ZNF827: variants seen among roughly 807,000 people sequenced by gnomAD.
ZNF827 encodes the protein zinc finger protein 827.
Under a neutral mutation model 102.4 loss-of-function variants are expected in ZNF827, and 13 were observed. The observed-to-expected ratio is 0.13, with a 90% confidence interval of 0.08 to 0.20. The LOEUF (loss-of-function observed/expected upper bound fraction) is 0.20. Ranked by LOEUF, ZNF827 falls within the 10% of genes least tolerant of loss-of-function variation. The probability of loss-of-function intolerance (pLI) is 1.00; values close to 1 mark genes in which losing one functional copy is unlikely to be tolerated. For synonymous variants in ZNF827, 523 were observed against 536.2 expected, an observed-to-expected ratio of 0.98 and a Z score of 0.34; for missense variants, 1,103 against 1,344.4, an observed-to-expected ratio of 0.82 and a Z score of 2.81.
intron 1 of ZNF827, among the ~76,000 whole-genome samples, chr4:145,916,372 C>T (rs1015344216): frequency 2.0e-5 from 3 of 152,146 alleles, no homozygotes; most frequent in Admixed American, 6.5e-5. Flanking sequence ...CTGGGGTGAA[C>T]TGGGGGCATG....
rs538045630 is a variant in ZNF827 at position 145,846,989 on chromosome 4, A to G, written c.2222-976T>C. 6.7e-5 allele frequency among the ~76,000 whole-genome samples: 10 copies of G among 148,762 alleles called. No individual in the cohort carries two copies. The South Asian group carries it at 2.1e-3, about 32-fold the overall frequency. ...GCCAACATGGTGAAAACCCGTCTCT[A>G]CTAAAAATACAAAAATTAGCAGGGC... is the stretch of plus-strand genomic sequence containing the variant. On this transcript the variant is annotated intron_variant, in intron 6 of 14. Transcript: ENST00000508784.
In ZNF827 at chr4:145,873,451, A is replaced by C. The variant is rs78843700; in HGVS notation, c.1748-2973T>G. 2.1e-3 allele frequency among the ~76,000 whole-genome samples: 317 copies of C among 152,342 alleles called. 1 individual carries two copies. The highest frequency in any genetic ancestry group is 4.3e-3 in the African/African-American group (177 of 41,580). On this transcript the variant is annotated intron_variant, in intron 4 of 14. Transcript: ENST00000508784. ...AGAAGTGCTTTCCCTGGATTTAATAATTAGATGGGAGATAAGATCTTTGAA... is the reference window on the plus strand; with the variant it reads ...AGAAGTGCTTTCCCTGGATTTAATACTTAGATGGGAGATAAGATCTTTGAA...
intron 3 of ZNF827, among the ~76,000 whole-genome samples, chr4:145,887,294 A>C (rs1750198263): frequency 6.6e-6 from 1 of 151,768 alleles, no homozygotes; most frequent in African/African-American, 2.4e-5. Flanking sequence ...CCGCTGCACC[A>C]CCTGGCCCCT....
Position 145,885,804 on chromosome 4 carries a change from C to T in ZNF827, c.1621G>A (p.Ala541Thr). 1.9e-6 allele frequency: 3 copies of T among 1,613,444 alleles called. No homozygotes were observed. The highest frequency in any genetic ancestry group is 2.5e-6 in the Non-Finnish European group (3 of 1,179,682). The part of the protein sequence containing the change: ...GLPTSFTLNA[A>T]DRPANHTKLK... The stretch of plus-strand genomic sequence containing the variant: ...TTTGTGTGGTTGGCGGGCCTGTCGG[C>T]AGCATTCAAAGTAAAGGAGGTGGGC... Residue 541 changes from alanine to threonine, a missense_variant, in exon 4 of 15, where the codon GCC becomes ACC. This residue lies in a region of ZNF827 where 157 missense variants were observed against 211.7 expected (regional missense o/e 0.74). Transcript: ENST00000508784.
chr4:145,773,660 A>G (rs911913845), intron 11 of ZNF827, among the ~76,000 whole-genome samples: 1 of 152,252 alleles, frequency 6.6e-6, no homozygotes, highest in Non-Finnish European at 1.5e-5. Flanking sequence ...GAATGTTAAC[A>G]TCAATAAATG....
At chr4:145,850,784 G>C (rs1746451171) in intron 5 of ZNF827, among the ~76,000 whole-genome samples, 1 of 152,236 alleles carries the variant, frequency 6.6e-6, no homozygotes, top group Admixed American at 6.5e-5. Context: ...TAGTTGAACA[G>C]ATAGATGATA....
rs370600861 is a variant in ZNF827 at position 145,851,846 on chromosome 4, G to A, written c.1982-2285C>T. 7.2e-5 allele frequency among the ~76,000 whole-genome samples: 11 copies of A among 152,210 alleles called. No individual in the cohort carries two copies. The East Asian group carries it at 1.7e-3, about 24-fold the overall frequency. On this transcript the variant is annotated intron_variant, in intron 5 of 14. Coordinates refer to ENST00000508784, the MANE Select transcript of ZNF827 (RefSeq NM_001306215.2). Reference sequence around the variant, plus strand: ...AAGAAGAAAGCTGTCCAAGATACACGCTTAGCTTCTCTGCCTTTACTTCCA... The same window carrying A: ...AAGAAGAAAGCTGTCCAAGATACACACTTAGCTTCTCTGCCTTTACTTCCA...
chr4:145,778,109 T>C (rs541333747), intron 9 of ZNF827, among the ~76,000 whole-genome samples: 2 of 152,274 alleles, frequency 1.3e-5, no homozygotes, highest in South Asian at 2.1e-4. Context: ...TTGGGCAGCA[T>C]GGAGAAACCC....
At chr4:145,848,936 AGT>A (rs1746247354) in intron 6 of ZNF827, among the ~76,000 whole-genome samples, 10 of 152,168 alleles carry the variant, frequency 6.6e-5, no homozygotes, top group African/African-American at 2.2e-4. Context: ...CTAATTTGGA[AGT>A]CATAGTAATT....
At chr4:145,788,214 T>A (rs1739169828) in intron 8 of ZNF827, among the ~76,000 whole-genome samples, 1 of 152,214 alleles carries the variant, frequency 6.6e-6, no homozygotes, top group African/African-American at 2.4e-5. Context: ...TACTGATTGA[T>A]TTGTATCGTA....
At chr4:145,772,509 GCCT>G (rs761580745) in intron 11 of ZNF827, among the ~76,000 whole-genome samples, 1 of 152,130 alleles carries the variant, frequency 6.6e-6, no homozygotes, top group African/African-American at 2.4e-5. Context: ...GCTCAAATGA[GCCT>G]CCTGTTTTTA....
rs555217316 is a variant in ZNF827, at chr4:145,862,111, G to T, written c.1981+8134C>A. ...AGCCATTCAGGTGTACGGGTTTGAGGATTTGTAAAGGCCATGTGGAATTAC... is the reference window on the plus strand; with the variant it reads ...AGCCATTCAGGTGTACGGGTTTGAGTATTTGTAAAGGCCATGTGGAATTAC... On this transcript the variant is annotated intron_variant, in intron 5 of 14. Transcript: ENST00000508784. Among the ~76,000 whole-genome samples, 67 of 152,204 alleles carry T rather than the reference G, an allele frequency of 4.4e-4. 1 individual carries two copies. Among genetic ancestry groups the T allele is most frequent in the Admixed American group, 2.0e-3 (30 of 15,284 alleles).
chr4:145,772,743 A>G (rs1355244061), intron 11 of ZNF827, among the ~76,000 whole-genome samples: 2 of 152,264 alleles, frequency 1.3e-5, no homozygotes. Context: ...AAAGGCTCCT[A>G]CTGAATTAAA....
intron 4 of ZNF827, among the ~76,000 whole-genome samples, chr4:145,882,020 G>A (rs1007816631): frequency 6.6e-6 from 1 of 152,132 alleles, no homozygotes; most frequent in Admixed American, 6.5e-5. Flanking sequence ...TAATTTCTGG[G>A]CCCTGGCATT....
chr4:145,771,180 T>C (rs1172925755), intron 11 of ZNF827: 1 of 152,268 alleles, frequency 6.6e-6, no homozygotes, highest in Non-Finnish European at 1.5e-5. Context: ...TTTGTCATTT[T>C]TGTAAACACA....
At chr4:145,764,388 G>A (rs1220323965) in intron 13 of ZNF827, among the ~76,000 whole-genome samples, 2 of 152,120 alleles carry the variant, frequency 1.3e-5, no homozygotes, top group Non-Finnish European at 2.9e-5. Flanking sequence ...TTAGTTGATT[G>A]GTCTCACTTG....
intron 5 of ZNF827, among the ~76,000 whole-genome samples, chr4:145,868,359 T>G (rs1319156146): frequency 2.4e-5 from 1 of 41,624 alleles, no homozygotes; most frequent in Non-Finnish European, 5.4e-5. Flanking sequence ...GATTTGAGGA[T>G]TTTTTTTCAG....
intron 7 of ZNF827, among the ~76,000 whole-genome samples, chr4:145,838,193 C>T (rs533366297): frequency 6.6e-6 from 1 of 152,104 alleles, no homozygotes; most frequent in Admixed American, 6.5e-5. Context: ...CATTCCACCA[C>T]AAAAGAAGTG....
Position 145,902,231 on chromosome 4 carries a change from G to C in ZNF827, c.1028C>G (p.Pro343Arg). ...PPPPPPPPPP[P>R]QSLELLLLPV... is the part of the protein sequence containing the mutation. ...GAGTAATAATAATTCCAGGGATTGT[G>C]GTGGTGGTGGTGGAGGTGGTGGAGG... Residue 343 changes from proline to arginine, a missense_variant, in exon 2 of 15, where the codon CCA becomes CGA. Coordinates refer to ENST00000508784, the MANE Select transcript of ZNF827 (RefSeq NM_001306215.2). This position sits in a 1 kb window ranked among gnomAD's most constrained non-coding sequence, Gnocchi z 4.3. 6.3e-7 allele frequency: 1 copy of C among 1,581,478 alleles called. No homozygotes were observed. The highest frequency in any genetic ancestry group is 8.6e-7 in the Non-Finnish European group (1 of 1,162,388).
Sources: allele counts gnomAD v4.1 joint callset (sites outside exome capture counted in the v4.1 genomes callset), GRCh38; gene constraint gnomAD v4.1.1; regional missense constraint gnomAD v4.1.1; non-coding constraint Gnocchi (gnomAD v3.1); transcripts MANE v1.5; gene names NCBI Gene and HGNC (gene_info 2026-07-23, HGNC 2026-07-21).